ADGRV1: variants seen among roughly 807,000 people sequenced by gnomAD.
ADGRV1 encodes G-protein coupled receptor 98.
A neutral mutation model predicts 596.2 loss-of-function variants in ADGRV1; 359 were observed. That is an observed-to-expected ratio of 0.60 (90% confidence interval 0.55 to 0.66). The LOEUF (loss-of-function observed/expected upper bound fraction) is 0.66. ADGRV1 is among the 30% of genes least tolerant of loss of function. The pLI is 0.00. For synonymous variants in ADGRV1, 2,681 were observed against 2,679.2 expected, an observed-to-expected ratio of 1.00 and a Z score of -0.02; for missense variants, 7,274 against 7,575.6, an observed-to-expected ratio of 0.96 and a Z score of 1.48.
chr5:90,651,078 C>T (rs560205476), intron 17 of ADGRV1, among the ~76,000 whole-genome samples: 13 of 152,086 alleles, frequency 8.5e-5, no homozygotes, highest in Non-Finnish European at 1.5e-4. Context: ...CTACTTTGTT[C>T]TATGTACAAC....
At chr5:90,720,537 T>C (rs1750777180) in intron 44 of ADGRV1, among the ~76,000 whole-genome samples, 1 of 152,174 alleles carries the variant, frequency 6.6e-6, no homozygotes, top group South Asian at 2.1e-4. Flanking sequence ...AAAGCAGACT[T>C]AACTGCTCAA....
At chr5:90,642,375 G>C (rs1358351346) in intron 11 of ADGRV1, among the ~76,000 whole-genome samples, 1 of 151,938 alleles carries the variant, frequency 6.6e-6, no homozygotes, top group African/African-American at 2.4e-5. Context: ...AGTATTCTTG[G>C]TGTACATATG....
chr5:90,842,659 A>C (rs561819740), intron 78 of ADGRV1, among the ~76,000 whole-genome samples: 1 of 152,234 alleles, frequency 6.6e-6, no homozygotes, highest in Admixed American at 6.5e-5. Context: ...TGGAGGTTGC[A>C]GTGAGCCGAG....
In ADGRV1 at chr5:90,913,602, G is replaced by A. The variant is rs118098393; in HGVS notation, c.17856+49745G>A. Among the ~76,000 whole-genome samples, 30 of 151,646 alleles carry A rather than the reference G, an allele frequency of 2.0e-4. No homozygotes were observed. The East Asian group carries it at 4.2e-3, about 21-fold the overall frequency. ...TGTCTGAGTTTTATTTTTTTTCTTC[G>A]TTGCAGGAAATTTACATTTGATGAG... is the stretch of plus-strand genomic sequence containing the variant. On this transcript the variant is annotated intron_variant, in intron 83 of 89. Coordinates refer to ENST00000405460, the MANE Select transcript of ADGRV1 (RefSeq NM_032119.4).
At chr5:90,828,831 TA>T in intron 76 of ADGRV1, 112 bp from the exon 77 acceptor site, 1 of 557,676 alleles carries the variant, frequency 1.8e-6, no homozygotes, top group Non-Finnish European at 2.7e-6. Flanking sequence ...TAGATTTATA[TA>T]TTTATTTCTC....
At chr5:90,939,552 A>G (rs1775996261) in intron 83 of ADGRV1, among the ~76,000 whole-genome samples, 2 of 152,208 alleles carry the variant, frequency 1.3e-5, no homozygotes, top group Admixed American at 1.3e-4. Context: ...GTTACTGTAA[A>G]TAAAATGCTC....
chr5:91,102,365 A>T (rs1197681953), intron 87 of ADGRV1, 25 bp downstream of exon 87: 3 of 1,556,730 alleles, frequency 1.9e-6, no homozygotes, highest in Middle Eastern at 1.7e-4. Context: ...TTGGTTAGTG[A>T]CAACATACAT....
intron 1 of ADGRV1, among the ~76,000 whole-genome samples, chr5:90,583,090 G>A (rs939220316): frequency 1.3e-5 from 2 of 152,092 alleles, no homozygotes; most frequent in African/African-American, 4.8e-5. Context: ...TTTGATCATT[G>A]TGTGGCAGTT....
At chr5:90,953,285 A>G (rs1777201536) in intron 83 of ADGRV1, among the ~76,000 whole-genome samples, 2 of 152,140 alleles carry the variant, frequency 1.3e-5, no homozygotes, top group Non-Finnish European at 2.9e-5. Flanking sequence ...TCACACAGGG[A>G]CAATAACATT....
intron 83 of ADGRV1, among the ~76,000 whole-genome samples, chr5:90,889,615 C>T (rs1770619548): frequency 6.6e-6 from 1 of 151,978 alleles, no homozygotes; most frequent in Non-Finnish European, 1.5e-5. Flanking sequence ...CTCATTTTTT[C>T]ACCTTTTTTG....
chr5:91,163,833 G>A lies in ADGRV1; in HGVS notation c.18854G>A (p.Gly6285Glu), dbSNP rs756304734. 1.9e-6 allele frequency: 3 copies of A among 1,607,338 alleles called. No homozygotes were observed. The highest frequency in any genetic ancestry group is 1.1e-5 in the South Asian group (1 of 89,960). Residue 6285 changes from glycine to glutamate, a missense_variant, in exon 90 of 90, where the codon GGG becomes GAG. This residue lies in a region of ADGRV1 where 1,874 missense variants were observed against 1,970.2 expected (regional missense o/e 0.95). Coordinates refer to ENST00000405460, the MANE Select transcript of ADGRV1 (RefSeq NM_032119.4). ...GAATCTGGTCAAGGCAGCCAGGAGG[G>A]GGGCACCTTGACTGACTCCCAGATC... Reference protein sequence around the residue: ...DNESGQGSQEGGTLTDSQIVE... With the variant: ...DNESGQGSQEEGTLTDSQIVE...
intron 59 of ADGRV1, among the ~76,000 whole-genome samples, chr5:90,768,566 G>A (rs1049334768): frequency 3.3e-5 from 5 of 152,116 alleles, no homozygotes; most frequent in African/African-American, 1.2e-4. Flanking sequence ...TAGTTTCCTG[G>A]ACTTTCTCAA....
chr5:90,636,681 C>T (rs910246808), intron 10 of ADGRV1, among the ~76,000 whole-genome samples: 3 of 152,208 alleles, frequency 2.0e-5, no homozygotes, highest in East Asian at 1.9e-4. Flanking sequence ...TGCCCACTCC[C>T]TCAAGGTGAT....
chr5:90,576,477 T>C (rs1580323697), intron 1 of ADGRV1, among the ~76,000 whole-genome samples: 1 of 152,154 alleles, frequency 6.6e-6, no homozygotes, highest in Non-Finnish European at 1.5e-5. Flanking sequence ...TATTCCATGG[T>C]GTATATGTGC....
chr5:90,757,568 G>A (rs1029496345), intron 57 of ADGRV1, among the ~76,000 whole-genome samples: 10 of 152,032 alleles, frequency 6.6e-5, no homozygotes, highest in Non-Finnish European at 1.2e-4. Context: ...CACTAAAAGT[G>A]TGGACAGTTT....
chr5:90,670,949 C>T (rs936632919), intron 21 of ADGRV1, among the ~76,000 whole-genome samples: 7 of 152,206 alleles, frequency 4.6e-5, no homozygotes, highest in African/African-American at 1.7e-4. Flanking sequence ...ACCCGCATCA[C>T]ACGGCCTCAA....
chr5:90,965,655 A>G (rs1008289609), intron 84 of ADGRV1, 124 bp downstream of exon 84: 61 of 539,830 alleles, frequency 1.1e-4, no homozygotes, highest in African/African-American at 1.1e-3. Context: ...CTGCATTCTC[A>G]GGATATAAAT....
chr5:90,704,951 C>G (rs2149689700), intron 36 of ADGRV1, among the ~76,000 whole-genome samples: 1 of 152,102 alleles, frequency 6.6e-6, no homozygotes, highest in Non-Finnish European at 1.5e-5. Context: ...GCTGGGACTA[C>G]AGGCATGCAC....
At chr5:90,634,347 A>G (rs551021374) in intron 9 of ADGRV1, among the ~76,000 whole-genome samples, 2 of 152,318 alleles carry the variant, frequency 1.3e-5, no homozygotes, top group African/African-American at 2.4e-5. Context: ...TACGTCATGT[A>G]TTGGGAAAAT....
Sources: allele counts gnomAD v4.1 joint callset (sites outside exome capture counted in the v4.1 genomes callset), GRCh38; gene constraint gnomAD v4.1.1; regional missense constraint gnomAD v4.1.1; transcripts MANE v1.5; gene names NCBI Gene and HGNC (gene_info 2026-07-23, HGNC 2026-07-21).